The following DLG2 variants were observed in gnomAD, a reference collection of about 807,000 sequenced individuals.
DLG2 encodes discs large MAGUK scaffold protein 2, also known as disks large homolog 2.
Under a neutral mutation model 132.5 loss-of-function variants are expected in DLG2, and 45 were observed. The ratio of observed to expected loss-of-function variants is 0.34; its 90% CI spans 0.27 to 0.44. DLG2 has a LOEUF of 0.44. Among genes scored for constraint, DLG2 ranks in the 20% least tolerant of loss-of-function variants. DLG2 has a pLI of 1.00. For missense variants in DLG2, 1,045 were observed against 1,196.9 expected, an observed-to-expected ratio of 0.87 and a Z score of 1.87; for synonymous variants, 424 against 419.6, an observed-to-expected ratio of 1.01 and a Z score of -0.13.
chr11:85,555,035 G>A (rs2076863295), intron 3 of DLG2, among the ~76,000 whole-genome samples: 1 of 151,754 alleles, frequency 6.6e-6, no homozygotes, highest in South Asian at 2.1e-4. Context: ...CTAAGCCTCT[G>A]GGGAGATGGA....
At chr11:84,585,383 T>C (rs1415831316) in intron 6 of DLG2, among the ~76,000 whole-genome samples, 2 of 152,202 alleles carry the variant, frequency 1.3e-5, no homozygotes, top group Non-Finnish European at 2.9e-5. Context: ...TATGCTTATC[T>C]AATCCTGAAA....
At chr11:83,569,996 G>A (rs914962172) in intron 19 of DLG2, among the ~76,000 whole-genome samples, 22 of 152,226 alleles carry the variant, frequency 1.4e-4, no homozygotes, top group African/African-American at 5.3e-4. Flanking sequence ...GAGAGAATGA[G>A]CTAAGCTTAT....
At chr11:83,886,110 A>C (rs2067789146) in intron 15 of DLG2, among the ~76,000 whole-genome samples, 1 of 152,176 alleles carries the variant, frequency 6.6e-6, no homozygotes, top group South Asian at 2.1e-4. Flanking sequence ...ATTAACCTTA[A>C]CTGTAAGTGG....
At chr11:83,863,118 G>C (rs2061714542) in intron 16 of DLG2, among the ~76,000 whole-genome samples, 2 of 152,202 alleles carry the variant, frequency 1.3e-5, no homozygotes, top group South Asian at 2.1e-4. Context: ...ATGAAACAGA[G>C]ATCAGTGGAG....
intron 9 of DLG2, among the ~76,000 whole-genome samples, chr11:84,155,667 T>C (rs2095414172): frequency 6.6e-6 from 1 of 152,012 alleles, no homozygotes; most frequent in Non-Finnish European, 1.5e-5. Flanking sequence ...TCTTCTCAAA[T>C]TATTCCAACA....
chr11:84,142,309 G>A (rs1489159863), intron 9 of DLG2, among the ~76,000 whole-genome samples: 14 of 89,010 alleles, frequency 1.6e-4, no homozygotes, highest in Non-Finnish European at 2.5e-4. Context: ...GACAGAGTGA[G>A]AATCCATCTC....
intron 8 of DLG2, among the ~76,000 whole-genome samples, chr11:84,185,843 T>C (rs995455646): frequency 6.6e-5 from 10 of 152,224 alleles, no homozygotes; most frequent in Non-Finnish European, 1.0e-4. Flanking sequence ...TGGAAATGTT[T>C]CTAAGGCAAG....
intron 6 of DLG2, among the ~76,000 whole-genome samples, chr11:84,595,813 T>TCACAGATTGAAAACTGGTTTTAAAGC (rs2099555422): frequency 6.6e-6 from 1 of 152,212 alleles, no homozygotes; most frequent in Non-Finnish European, 1.5e-5. Context: ...GGTTTTAAAG[T>TCACAGATTGAAAACTGGTTTTAAAGC]CACAGATTGA....
At chr11:84,849,725 T>G (rs1223827755) in intron 6 of DLG2, among the ~76,000 whole-genome samples, 2 of 152,142 alleles carry the variant, frequency 1.3e-5, no homozygotes. Context: ...AAGGCATTTC[T>G]TTTATAGCAC....
chr11:85,485,778 C>T (rs969005240), intron 3 of DLG2, among the ~76,000 whole-genome samples: 2 of 152,190 alleles, frequency 1.3e-5, no homozygotes, highest in African/African-American at 4.8e-5. Context: ...CAAGATGTCG[C>T]TCCAGACGGG....
intron 18 of DLG2, among the ~76,000 whole-genome samples, chr11:83,708,970 G>A (rs1177327441): frequency 2.6e-5 from 4 of 152,080 alleles, no homozygotes; most frequent in Non-Finnish European, 5.9e-5. Context: ...TCTCTAGTAT[G>A]AGGCTGCTGG....
At chr11:84,631,875 T>C (rs1237103395) in intron 6 of DLG2, among the ~76,000 whole-genome samples, 2 of 152,192 alleles carry the variant, frequency 1.3e-5, no homozygotes, top group Admixed American at 6.5e-5. Context: ...TTTGGACAAG[T>C]TGTTTAACTT....
At chr11:85,019,402 C>T (rs2059838009) in intron 6 of DLG2, among the ~76,000 whole-genome samples, 1 of 152,080 alleles carries the variant, frequency 6.6e-6, no homozygotes, top group Admixed American at 6.6e-5. Context: ...TGAAAAATTT[C>T]AACTTAGACA....
At chr11:84,647,614 TAGTC>T (rs1379095448) in intron 6 of DLG2, among the ~76,000 whole-genome samples, 7 of 152,222 alleles carry the variant, frequency 4.6e-5, no homozygotes, top group African/African-American at 1.7e-4. Context: ...CACCTATAGA[TAGTC>T]AGGTAGCCAT....
intron 7 of DLG2, among the ~76,000 whole-genome samples, chr11:84,432,279 A>C: frequency 6.6e-6 from 1 of 152,206 alleles, no homozygotes; most frequent in Non-Finnish European, 1.5e-5. Flanking sequence ...TGGGCCATTT[A>C]GGGATTTGAA....
At chr11:83,517,470 C>T (rs1048200416) in intron 21 of DLG2, among the ~76,000 whole-genome samples, 10 of 152,196 alleles carry the variant, frequency 6.6e-5, no homozygotes, top group Non-Finnish European at 1.5e-5. Flanking sequence ...GTTCAAACTT[C>T]CTTCTTTAGC....
intron 7 of DLG2, among the ~76,000 whole-genome samples, chr11:84,489,522 C>T (rs1218334158): frequency 6.6e-6 from 1 of 152,002 alleles, no homozygotes; most frequent in African/African-American, 2.4e-5. Flanking sequence ...AAGGTTATAC[C>T]CTTCCCATTG....
At chr11:84,917,606 A>G (rs1195653061) in intron 6 of DLG2, among the ~76,000 whole-genome samples, 1 of 152,206 alleles carries the variant, frequency 6.6e-6, no homozygotes, top group Admixed American at 6.5e-5. Flanking sequence ...TTGAGAAAAT[A>G]CATTCAAACT....
intron 11 of DLG2, among the ~76,000 whole-genome samples, chr11:84,051,048 G>A (rs578119098): frequency 1.3e-5 from 2 of 152,038 alleles, no homozygotes; most frequent in South Asian, 2.1e-4. Flanking sequence ...GGCCATCAGA[G>A]AAATGCAAAT....
Sources: gnomAD v4.1 joint callset for allele counts (sites outside exome capture counted in the v4.1 genomes callset) on GRCh38, gnomAD v4.1.1 for gene constraint, MANE v1.5 for transcripts, NCBI Gene and HGNC (gene_info 2026-07-23, HGNC 2026-07-21) for gene names.